P2RX1: variants seen among roughly 807,000 people sequenced by gnomAD.
P2RX1 encodes purinergic receptor P2X 1.
Under a neutral mutation model 50.3 loss-of-function variants are expected in P2RX1, and 42 were observed. The ratio of observed to expected loss-of-function variants is 0.83; its 90% CI spans 0.65 to 1.08. P2RX1 has a LOEUF of 1.08. P2RX1 is among the 50% of genes least tolerant of loss of function. The probability of loss-of-function intolerance (pLI) is 0.00; values close to 1 mark genes in which losing one functional copy is unlikely to be tolerated. For synonymous variants in P2RX1, 199 were observed against 202.6 expected (o/e 0.98, Z 0.15); for missense variants, 449 against 529.0 (o/e 0.85, Z 1.48).
intron 1 of P2RX1, among the ~76,000 whole-genome samples, chr17:3,909,007 GGTAA>G (rs1430559451): frequency 6.6e-6 from 1 of 152,100 alleles, no homozygotes; most frequent in African/African-American, 2.4e-5. Flanking sequence ...GAAGCATCTA[GGTAA>G]GTGTTTGGGG....
intron 2 of P2RX1, 41 bp from the exon 3 acceptor site, chr17:3,904,970 G>C (rs750953596): frequency 8.1e-7 from 1 of 1,235,070 alleles, no homozygotes; most frequent in East Asian, 2.4e-5. Context: ...TGGGCTGGGA[G>C]CTGGGAGAAG....
intron 1 of P2RX1, among the ~76,000 whole-genome samples, chr17:3,909,577 T>A (rs9303180): frequency 0.012 from 1,802 of 152,180 alleles, 41 homozygotes; most frequent in African/African-American, 0.041. Flanking sequence ...CCGGGTGTGG[T>A]GGCTCAGGCC....
intron 1 of P2RX1, among the ~76,000 whole-genome samples, chr17:3,911,710 CCTGCTCTCCCTTTCACAGCCTCTCCCT>C (rs2056368471): frequency 6.6e-6 from 1 of 152,242 alleles, no homozygotes; most frequent in Non-Finnish European, 1.5e-5. Flanking sequence ...CGCCATCGCC[CCTGCTCTCCCTTTCACAGCCTCTCCCT>C]TGGGCTCCTT....
At chr17:3,905,157 A>C in intron 2 of P2RX1, 63 bp downstream of exon 2, 3 of 1,578,830 alleles carry the variant, frequency 1.9e-6, no homozygotes, top group Non-Finnish European at 2.6e-6. Context: ...GACGTGGGAC[A>C]GAGTCCCACC....
At chr17:3,907,290 CGTGT>C (rs147411964) in intron 1 of P2RX1, among the ~76,000 whole-genome samples, 141 of 134,428 alleles carry the variant, frequency 1.0e-3, no homozygotes, top group African/African-American at 2.6e-3. Flanking sequence ...TTCAGGGTAA[CGTGT>C]GTGTGTGTGT....
intron 7 of P2RX1, among the ~76,000 whole-genome samples, chr17:3,902,721 C>T (rs1470125449): frequency 1.3e-5 from 2 of 151,048 alleles, no homozygotes; most frequent in East Asian, 3.9e-4. Flanking sequence ...GATTCTCCTG[C>T]CTCAGCCTCC....
intron 1 of P2RX1, among the ~76,000 whole-genome samples, chr17:3,908,592 A>G (rs1722200427): frequency 6.6e-6 from 1 of 152,150 alleles, no homozygotes; most frequent in Non-Finnish European, 1.5e-5. Context: ...TAGAATGACT[A>G]TGGTGCCAGG....
At position 3,903,695 on chromosome 17, in the gene P2RX1, G is replaced by T. The variant is rs2056199191; in HGVS notation, c.525-64C>A. 6.5e-7 allele frequency: 1 copy of T among 1,544,492 alleles called. No individual in the cohort carries two copies. The highest frequency in any genetic ancestry group is 1.1e-5 in the South Asian group (1 of 89,628). ...AGGCCCCCTGTGTGTCCCACACAGAGCTTGGCACAGCAGGGGGTGGGCCGA... is the reference window on the plus strand; with the variant it reads ...AGGCCCCCTGTGTGTCCCACACAGATCTTGGCACAGCAGGGGGTGGGCCGA... On this transcript the variant is annotated intron_variant, in intron 5 of 11. Transcript: ENST00000225538. The surrounding 1 kb of genome is among the most constrained non-coding windows in gnomAD (Gnocchi z 4.6).
intron 1 of P2RX1, among the ~76,000 whole-genome samples, chr17:3,909,996 A>G (rs1294876922): frequency 1.6e-5 from 2 of 121,824 alleles, no homozygotes; most frequent in Admixed American, 2.0e-4. Flanking sequence ...TTTTTTTGAG[A>G]CGGAGTCTCG....
At chr17:3,902,195 G>A (rs774533276) in intron 7 of P2RX1, among the ~76,000 whole-genome samples, 37 of 151,986 alleles carry the variant, frequency 2.4e-4, no homozygotes, top group Non-Finnish European at 4.4e-4. Context: ...GTGCAATCTC[G>A]ACTCACTGCA....
rs1347502733 is a variant in P2RX1, at chr17:3,901,689, G to A, written c.747+1513C>T. 4.6e-5 allele frequency among the ~76,000 whole-genome samples: 7 copies of A among 152,366 alleles called. No homozygotes were observed. The East Asian group carries it at 7.7e-4, about 17-fold the overall frequency. On this transcript the variant is annotated intron_variant, in intron 7 of 11. Transcript: ENST00000225538. Reference sequence around the variant, plus strand: ...ACATCACAGAAAAGGGATTGATTTCGTTCTTGAACAGGCAACTGCAAGGGC... The same window carrying A: ...ACATCACAGAAAAGGGATTGATTTCATTCTTGAACAGGCAACTGCAAGGGC...
chr17:3,912,176 A>T (rs1270775936), intron 1 of P2RX1, among the ~76,000 whole-genome samples: 1 of 152,070 alleles, frequency 6.6e-6, no homozygotes, highest in Admixed American at 6.5e-5. Context: ...ACCCGCAGGA[A>T]TTCCTCATCC....
chr17:3,904,581 C>T (rs2056223740), intron 3 of P2RX1, 182 bp from the exon 4 acceptor site: 1 of 665,246 alleles, frequency 1.5e-6, no homozygotes, highest in African/African-American at 1.8e-5. Flanking sequence ...GAGGCGCCCC[C>T]CGGGCTCATG....
Position 3,907,104 on chromosome 17 carries a change from T to C in P2RX1, c.138-1737A>G, listed in dbSNP as rs570862589. On this transcript the variant is annotated intron_variant, in intron 1 of 11. Transcript: ENST00000225538. The stretch of plus-strand genomic sequence containing the variant: ...TTGAGCACCTGGATTCAGCCATACC[T>C]GAAGCACAGTTGAAAAATCTACTTC... Among the ~76,000 whole-genome samples the C allele has an allele frequency of 9.8e-5, 15 of 152,344 alleles. 1 individual carries two copies. The East Asian group carries it at 2.3e-3, about 23-fold the overall frequency.
chr17:3,904,408 G>A lies in P2RX1; in HGVS notation c.358-9C>T. On this transcript the variant is annotated splice_polypyrimidine_tract_variant and intron_variant, in intron 3 of 11. Coordinates refer to ENST00000225538, the MANE Select transcript of P2RX1 (RefSeq NM_002558.4). Reference sequence around the variant, plus strand: ...ATGCCCCCTTCTGGGTGCTGGGGGAGGCAAAAGCTGCTGGTCCCAGGCCCC... The same window carrying A: ...ATGCCCCCTTCTGGGTGCTGGGGGAAGCAAAAGCTGCTGGTCCCAGGCCCC... 3.1e-6 allele frequency: 5 copies of A among 1,612,792 alleles called. No homozygotes were observed. The highest frequency in any genetic ancestry group is 4.2e-6 in the Non-Finnish European group (5 of 1,179,374).
intron 1 of P2RX1, among the ~76,000 whole-genome samples, chr17:3,912,421 C>G (rs1452539722): frequency 6.6e-6 from 1 of 152,116 alleles, no homozygotes; most frequent in Non-Finnish European, 1.5e-5. Context: ...ATCTCCGCCC[C>G]CCAAGTTCAA....
Position 3,903,315 on chromosome 17 carries a change from C to T in P2RX1, c.634G>A (p.Ala212Thr). The T allele has an allele frequency of 6.2e-7, 1 of 1,614,148 alleles. No homozygotes were observed. The highest frequency in any genetic ancestry group is 8.5e-7 in the Non-Finnish European group (1 of 1,180,024). ...TGAAAGAGGCAGGTCTTCATGTGGGCAGCATTCACCTCCTCCACCAGGTTG... is the reference window on the plus strand; with the variant it reads ...TGAAAGAGGCAGGTCTTCATGTGGGTAGCATTCACCTCCTCCACCAGGTTG... Reference protein sequence around the residue: ...RRNLVEEVNAAHMKTCLFHKT... With the variant: ...RRNLVEEVNATHMKTCLFHKT... The change falls in exon 7 of 12, where the codon GCC becomes ACC. Residue 212 changes from alanine to threonine, a missense_variant. Physicochemically the swap from Ala to Thr is moderately conservative, Grantham distance 58. Transcript: ENST00000225538. This position sits in a 1 kb window ranked among gnomAD's most constrained non-coding sequence, Gnocchi z 4.6.
chr17:3,901,268 C>A (rs192174083), intron 7 of P2RX1, among the ~76,000 whole-genome samples: 2 of 152,298 alleles, frequency 1.3e-5, no homozygotes, highest in East Asian at 3.9e-4. Flanking sequence ...GGGGTTTCAC[C>A]GTGTTAGCCA....
At chr17:3,915,002 A>G (rs938627) in intron 1 of P2RX1, among the ~76,000 whole-genome samples, 102,505 of 152,006 alleles carry the variant, frequency 0.67, 34,936 homozygotes, top group East Asian at 0.94. Context: ...CTAGGACTTC[A>G]TGGTCCTTGT....
Sources: gnomAD v4.1 joint callset for allele counts (sites outside exome capture counted in the v4.1 genomes callset) on GRCh38, gnomAD v4.1.1 for gene constraint, Gnocchi (gnomAD v3.1) non-coding constraint, MANE v1.5 for transcripts, NCBI Gene and HGNC (gene_info 2026-07-23, HGNC 2026-07-21) for gene names.